The following CRYL1 variants were observed in gnomAD, a reference collection of about 807,000 sequenced individuals.
The protein encoded by CRYL1 is lambda-crystallin homolog.
Under a neutral mutation model 36.6 loss-of-function variants are expected in CRYL1, and 29 were observed. The ratio of observed to expected loss-of-function variants is 0.79; its 90% CI spans 0.59 to 1.08. The LOEUF is 1.08. Among genes scored for constraint, CRYL1 ranks in the 50% least tolerant of loss-of-function variants. The pLI is 0.00. For synonymous variants in CRYL1, 152 were observed against 151.5 expected, an observed-to-expected ratio of 1.00 and a Z score of -0.02; for missense variants, 411 against 407.9, an observed-to-expected ratio of 1.01 and a Z score of -0.06.
intron 3 of CRYL1, among the ~76,000 whole-genome samples, chr13:20,444,969 C>G (rs1476114422): frequency 2.0e-5 from 3 of 152,206 alleles, no homozygotes; most frequent in Non-Finnish European, 2.9e-5. Flanking sequence ...CCACCCGCCT[C>G]AGCTTCCCAA....
At chr13:20,523,711 G>A (rs974991357) in intron 1 of CRYL1, among the ~76,000 whole-genome samples, 10 of 152,036 alleles carry the variant, frequency 6.6e-5, no homozygotes, top group African/African-American at 2.4e-4. Flanking sequence ...GAAGTGCTGA[G>A]GGTGGGGGAA....
chr13:20,468,389 GT>G (rs1364520276), intron 3 of CRYL1, among the ~76,000 whole-genome samples: 4 of 152,044 alleles, frequency 2.6e-5, no homozygotes, highest in African/African-American at 7.3e-5. Context: ...AGCCTCCTGA[GT>G]AGCTGGAACT....
At chr13:20,471,840 T>C (rs1387901406) in intron 3 of CRYL1, among the ~76,000 whole-genome samples, 4 of 151,932 alleles carry the variant, frequency 2.6e-5, no homozygotes, top group Non-Finnish European at 4.4e-5. Context: ...TCTTTTTCTC[T>C]CTCTCTCTTC....
intron 5 of CRYL1, chr13:20,427,012 AG>A: frequency 3.0e-6 from 3 of 985,568 alleles, no homozygotes; most frequent in Non-Finnish European, 3.6e-6. Flanking sequence ...GAACCTGCCG[AG>A]GGTTGCAGAT....
chr13:20,511,556 A>C (rs193221021), intron 2 of CRYL1, among the ~76,000 whole-genome samples: 75 of 152,342 alleles, frequency 4.9e-4, no homozygotes, highest in Non-Finnish European at 1.0e-4. Context: ...TATACCCTAC[A>C]TATTAATCTT....
intron 5 of CRYL1, chr13:20,426,797 T>A (rs928265175): frequency 3.0e-6 from 3 of 985,308 alleles, no homozygotes; most frequent in Admixed American, 6.1e-5. Flanking sequence ...AGCTCAACGA[T>A]GAAGTTCTGG....
intron 3 of CRYL1, among the ~76,000 whole-genome samples, chr13:20,472,673 C>A (rs1461495220): frequency 6.6e-6 from 1 of 152,218 alleles, no homozygotes; most frequent in Admixed American, 6.5e-5. Flanking sequence ...AGCTTAAGGA[C>A]AGCGCGTGGC....
In CRYL1 at chr13:20,425,343, G is replaced by A. The variant is rs1300878846; in HGVS notation, c.633+6759C>T. Among the ~76,000 whole-genome samples the A allele has an allele frequency of 6.6e-6, 1 of 152,226 alleles. No individual in the cohort carries two copies. The highest frequency in any genetic ancestry group is 1.5e-5 in the Non-Finnish European group (1 of 68,034). On this transcript the variant is annotated intron_variant, in intron 5 of 7. Transcript: ENST00000298248. This position sits in a 1 kb window ranked among gnomAD's most constrained non-coding sequence, Gnocchi z 4.4. Reference sequence around the variant, plus strand: ...CTCCTTGGAGTGCCCGCTTTGTGCTGATTCTCTTCCAGAGTCGACATCTGA... The same window carrying A: ...CTCCTTGGAGTGCCCGCTTTGTGCTAATTCTCTTCCAGAGTCGACATCTGA...
intron 4 of CRYL1, among the ~76,000 whole-genome samples, chr13:20,436,094 C>CTTCG (rs1048093680): frequency 4.6e-5 from 7 of 152,172 alleles, no homozygotes; most frequent in Non-Finnish European, 7.3e-5. Context: ...CGGTGTGAGA[C>CTTCG]GTGAGGTGAG....
rs115279577 is a variant in CRYL1 at position 20,489,691 on chromosome 13, C to T, written c.150-195G>A. On this transcript the variant is annotated intron_variant, in intron 2 of 7. Transcript: ENST00000298248. ...ATGTGGAGAAACTGGAACCATTGTG[C>T]ACTGCTGGTGAGACTGTAAAATGGT... 0.016 allele frequency among the ~76,000 whole-genome samples: 2,410 copies of T among 152,296 alleles called. 66 individuals are homozygous for T. Among genetic ancestry groups the T allele is most frequent in the African/African-American group, 0.055 (2,306 of 41,550 alleles).
At chr13:20,503,310 A>C (rs2033736385) in intron 2 of CRYL1, among the ~76,000 whole-genome samples, 1 of 152,194 alleles carries the variant, frequency 6.6e-6, no homozygotes, top group African/African-American at 2.4e-5. Context: ...TGGGCAACAG[A>C]CACGGGCTTT....
At chr13:20,524,310 C>T (rs2137528120) in intron 1 of CRYL1, among the ~76,000 whole-genome samples, 1 of 152,230 alleles carries the variant, frequency 6.6e-6, no homozygotes, top group East Asian at 1.9e-4. Context: ...TATATATACA[C>T]ACACACATAA....
chr13:20,505,627 G>A (rs2033783040), intron 2 of CRYL1, among the ~76,000 whole-genome samples: 1 of 152,136 alleles, frequency 6.6e-6, no homozygotes, highest in African/African-American at 2.4e-5. Flanking sequence ...ACTGCATAGT[G>A]AGGGACACTG....
intron 3 of CRYL1, among the ~76,000 whole-genome samples, chr13:20,451,667 G>A (rs2032572708): frequency 6.6e-6 from 1 of 152,194 alleles, no homozygotes; most frequent in South Asian, 2.1e-4. Flanking sequence ...AAAAGGGAAT[G>A]CTCATACACT....
intron 4 of CRYL1, among the ~76,000 whole-genome samples, chr13:20,437,457 G>A (rs111254892): frequency 0.011 from 1,655 of 152,106 alleles, 24 homozygotes; most frequent in African/African-American, 0.038. Flanking sequence ...ACAGGCGACC[G>A]CCACCTCACC....
chr13:20,480,684 C>G (rs1161884788), intron 3 of CRYL1, among the ~76,000 whole-genome samples: 1 of 152,226 alleles, frequency 6.6e-6, no homozygotes, highest in African/African-American at 2.4e-5. Flanking sequence ...CACTGCAGGG[C>G]CTGCCAGCGC....
intron 6 of CRYL1, chr13:20,405,928 T>G (rs2137359119): frequency 6.6e-6 from 1 of 152,414 alleles, no homozygotes; most frequent in East Asian, 1.9e-4. Context: ...CTCCCCTCCC[T>G]GCTGCCGGGA....
intron 3 of CRYL1, among the ~76,000 whole-genome samples, chr13:20,458,744 C>T (rs959036159): frequency 2.0e-5 from 3 of 152,152 alleles, no homozygotes; most frequent in African/African-American, 7.2e-5. Flanking sequence ...CAAATAGTGC[C>T]GTTCTGGACC....
intron 2 of CRYL1, among the ~76,000 whole-genome samples, chr13:20,501,285 G>A (rs987763943): frequency 6.6e-6 from 1 of 152,194 alleles, no homozygotes; most frequent in African/African-American, 2.4e-5. Flanking sequence ...CCCAGATGAG[G>A]AAACAGATTG....
Sources: gnomAD v4.1 joint callset for allele counts (sites outside exome capture counted in the v4.1 genomes callset) on GRCh38, gnomAD v4.1.1 for gene constraint, Gnocchi (gnomAD v3.1) non-coding constraint, MANE v1.5 for transcripts, NCBI Gene and HGNC (gene_info 2026-07-23, HGNC 2026-07-21) for gene names.